Variants in ADGRL4 observed in about 807,000 individuals in gnomAD.
ADGRL4 encodes adhesion G protein-coupled receptor L4, also known as EGF, latrophilin and seven transmembrane domain containing 1.
ADGRL4 carries 90 observed loss-of-function variants against 74.8 expected under a neutral mutation model. The ratio of observed to expected loss-of-function variants is 1.20; its 90% CI spans 1.02 to 1.43. ADGRL4 has a LOEUF of 1.43. Ranked by LOEUF, ADGRL4 falls within the 40% of genes most tolerant of loss-of-function variation. ADGRL4 has a pLI of 0.00. For missense variants in ADGRL4, 881 were observed against 814.3 expected (o/e 1.08, Z -1.00); for synonymous variants, 311 against 279.2 (o/e 1.11, Z -1.14).
chr1:78,951,208 A>G (rs749231806), intron 2 of ADGRL4, among the ~76,000 whole-genome samples: 2 of 151,712 alleles, frequency 1.3e-5, no homozygotes, highest in Non-Finnish European at 2.9e-5. Context: ...GCATTATTGC[A>G]CTCTTGTTTT....
At chr1:78,964,112 A>G (rs1464269298) in intron 2 of ADGRL4, among the ~76,000 whole-genome samples, 2 of 152,212 alleles carry the variant, frequency 1.3e-5, no homozygotes, top group Non-Finnish European at 2.9e-5. Context: ...GATCTGACCC[A>G]ATCTGGGATG....
At chr1:78,997,177 G>C (rs1363177061) in intron 2 of ADGRL4, among the ~76,000 whole-genome samples, 1 of 151,452 alleles carries the variant, frequency 6.6e-6, no homozygotes, top group East Asian at 1.9e-4. Flanking sequence ...TAAAAAAAAA[G>C]ATTAAAAGAA....
intron 7 of ADGRL4, among the ~76,000 whole-genome samples, chr1:78,934,646 T>C (rs1183933077): frequency 1.3e-5 from 2 of 152,070 alleles, no homozygotes; most frequent in East Asian, 1.9e-4. Flanking sequence ...ATTTTCACAA[T>C]CTATCCATCT....
intron 7 of ADGRL4, among the ~76,000 whole-genome samples, chr1:78,930,612 G>A (rs945147373): frequency 2.7e-5 from 4 of 150,758 alleles, no homozygotes; most frequent in Admixed American, 1.3e-4. Context: ...CATCACACCT[G>A]GCTAATTTTT....
At chr1:78,915,371 T>A (rs990326112) in intron 12 of ADGRL4, among the ~76,000 whole-genome samples, 4 of 151,880 alleles carry the variant, frequency 2.6e-5, no homozygotes, top group African/African-American at 9.7e-5. Context: ...ACATGAAAAT[T>A]CTACAGTCAT....
chr1:78,895,796 A>T (rs1648385538), intron 12 of ADGRL4, among the ~76,000 whole-genome samples: 1 of 152,048 alleles, frequency 6.6e-6, no homozygotes, highest in Admixed American at 6.6e-5. Context: ...TTTGAAGTGC[A>T]AAGGTTTATT....
intron 2 of ADGRL4, among the ~76,000 whole-genome samples, chr1:79,000,482 T>A (rs1012853673): frequency 1.3e-5 from 2 of 152,192 alleles, no homozygotes; most frequent in African/African-American, 4.8e-5. Context: ...CCTTTCCTTC[T>A]CTTTTCAAAG....
chr1:78,940,895 C>A (rs574254299), intron 3 of ADGRL4, among the ~76,000 whole-genome samples: 2 of 152,254 alleles, frequency 1.3e-5, no homozygotes, highest in South Asian at 4.2e-4. Context: ...GAAAGTGAGC[C>A]TCTTGCTACA....
intron 12 of ADGRL4, among the ~76,000 whole-genome samples, chr1:78,902,838 T>A (rs1164807651): frequency 6.6e-6 from 1 of 152,030 alleles, no homozygotes; most frequent in Non-Finnish European, 1.5e-5. Flanking sequence ...TAATTATCCT[T>A]TACTGGAGAC....
rs986496374 is a variant in ADGRL4, at chr1:78,975,111, G to A, written c.173-28685C>T. Among the ~76,000 whole-genome samples the A allele has an allele frequency of 3.9e-5, 6 of 152,134 alleles. No individual in the cohort carries two copies. In the South Asian group the frequency reaches 1.0e-3, roughly 26 times the overall value. Reference sequence around the variant, plus strand: ...CTATTACAATCATAGAGAGAAAAATGTGGAGAAATTCACTTTCCTATCTAG... The same window carrying A: ...CTATTACAATCATAGAGAGAAAAATATGGAGAAATTCACTTTCCTATCTAG... On this transcript the variant is annotated intron_variant, in intron 2 of 14. Transcript: ENST00000370742.
At chr1:78,954,631 C>A (rs779565364) in intron 2 of ADGRL4, among the ~76,000 whole-genome samples, 36 of 151,972 alleles carry the variant, frequency 2.4e-4, no homozygotes, top group Non-Finnish European at 4.4e-4. Context: ...TTGAAAATTT[C>A]AACAAAGAAA....
chr1:78,893,002 T>A, intron 13 of ADGRL4, 96 bp downstream of exon 13: 1 of 723,234 alleles, frequency 1.4e-6, no homozygotes, highest in Non-Finnish European at 2.3e-6. Context: ...GAAACAATCA[T>A]TTAAAAATAA....
At chr1:78,969,456 C>A (rs1419567880) in intron 2 of ADGRL4, among the ~76,000 whole-genome samples, 1 of 152,146 alleles carries the variant, frequency 6.6e-6, no homozygotes, top group Non-Finnish European at 1.5e-5. Flanking sequence ...GGTCCAGGAG[C>A]TCCAAGTTTA....
intron 2 of ADGRL4, among the ~76,000 whole-genome samples, chr1:78,957,506 C>A (rs1432371824): frequency 6.6e-6 from 1 of 152,162 alleles, no homozygotes; most frequent in South Asian, 2.1e-4. Flanking sequence ...TAGTTGTCTG[C>A]ATATAAGAAC....
intron 8 of ADGRL4, among the ~76,000 whole-genome samples, chr1:78,922,398 C>G (rs866063796): frequency 4.6e-5 from 7 of 151,920 alleles, no homozygotes; most frequent in Non-Finnish European, 7.4e-5. Context: ...ATTCCAGAAA[C>G]TTGTAGAAGC....
intron 2 of ADGRL4, 103 bp from the exon 3 acceptor site, chr1:78,946,529 T>C (rs1649604945): frequency 3.2e-6 from 3 of 939,894 alleles, no homozygotes; most frequent in African/African-American, 1.7e-5. Flanking sequence ...TAGTTTAAGG[T>C]ATGTGATGTT....
At position 78,914,085 on chromosome 1, in the gene ADGRL4, C is replaced by G. The variant is rs6673929; in HGVS notation, c.1749+3549G>C. Among the ~76,000 whole-genome samples, 424 of 151,924 alleles carry G rather than the reference C, an allele frequency of 2.8e-3. 2 individuals carry two copies. The highest frequency in any genetic ancestry group is 9.7e-3 in the African/African-American group (401 of 41,500). On this transcript the variant is annotated intron_variant, in intron 12 of 14. Transcript: ENST00000370742. ...TACTTCTTGTTTTGCCGTTTGTTCT[C>G]CCTCAGAAGGAATCTGGCATGCTTA...
At chr1:78,967,748 CATT>C (rs1467257948) in intron 2 of ADGRL4, among the ~76,000 whole-genome samples, 1 of 151,828 alleles carries the variant, frequency 6.6e-6, no homozygotes, top group Non-Finnish European at 1.5e-5. Context: ...TTTCTTAAGT[CATT>C]AATCTGCTCT....
At position 79,004,267 on chromosome 1, in the gene ADGRL4, T is replaced by TTCTC. The variant is rs77039476; in HGVS notation, c.172+799_172+802dup. Among the ~76,000 whole-genome samples the TTCTC allele has an allele frequency of 2.2e-3, 329 of 150,466 alleles. 5 individuals are homozygous for TTCTC. The highest frequency in any genetic ancestry group is 0.01 in the South Asian group (50 of 4,776). On this transcript the variant is annotated intron_variant, in intron 2 of 14. Transcript: ENST00000370742. ...AACTAATTTGTATGACCTAGTACTT[T>TTCTC]TCTCTCTCTCTCTCTCTCTTCTACA...
Sources: gnomAD v4.1 joint callset for allele counts (sites outside exome capture counted in the v4.1 genomes callset) on GRCh38, gnomAD v4.1.1 for gene constraint, MANE v1.5 for transcripts, NCBI Gene and HGNC (gene_info 2026-07-23, HGNC 2026-07-21) for gene names.